Variants in EYS observed in about 807,000 individuals in gnomAD.
EYS encodes protein eyes shut homolog.
Under a neutral mutation model 282.1 loss-of-function variants are expected in EYS, and 250 were observed. The ratio of observed to expected loss-of-function variants is 0.89; its 90% CI spans 0.80 to 0.98. The LOEUF (loss-of-function observed/expected upper bound fraction) is 0.98, where lower values mean the gene tolerates loss of function less well. Ranked by LOEUF, EYS falls within the 50% of genes least tolerant of loss-of-function variation. The pLI is 0.00. For synonymous variants in EYS, 1,355 were observed against 1,282.9 expected (o/e 1.06, Z -1.20); for missense variants, 4,016 against 3,709.0 (o/e 1.08, Z -2.15).
At chr6:65,220,252 A>G (rs1396576416) in intron 12 of EYS, among the ~76,000 whole-genome samples, 1 of 151,716 alleles carries the variant, frequency 6.6e-6, no homozygotes. Flanking sequence ...GAAATATTGG[A>G]AAAAAAAATT....
At chr6:64,375,567 T>C (rs1772535692) in intron 29 of EYS, among the ~76,000 whole-genome samples, 1 of 152,174 alleles carries the variant, frequency 6.6e-6, no homozygotes, top group African/African-American at 2.4e-5. Flanking sequence ...GGGTAGGAGA[T>C]ATGGCAGATA....
chr6:64,658,318 A>AAT (rs1768839892), intron 22 of EYS, among the ~76,000 whole-genome samples: 1 of 151,558 alleles, frequency 6.6e-6, no homozygotes, highest in African/African-American at 2.4e-5. Context: ...TTTAGCTCGG[A>AAT]AGTTTGATCG....
intron 29 of EYS, among the ~76,000 whole-genome samples, chr6:64,325,675 G>A (rs529986278): frequency 1.6e-4 from 25 of 152,240 alleles, no homozygotes; most frequent in Non-Finnish European, 3.4e-4. Context: ...AACAATACAA[G>A]AAGTGAAGGG....
chr6:64,931,986 C>T (rs1020862817), intron 15 of EYS, among the ~76,000 whole-genome samples: 1 of 152,104 alleles, frequency 6.6e-6, no homozygotes, highest in African/African-American at 2.4e-5. Flanking sequence ...GTCAAACATA[C>T]ACTCTTCCAT....
At chr6:64,386,740 T>A (rs542756677) in intron 29 of EYS, among the ~76,000 whole-genome samples, 1 of 152,200 alleles carries the variant, frequency 6.6e-6, no homozygotes, top group South Asian at 2.1e-4. Flanking sequence ...TCTATATATT[T>A]TTTGCCAATA....
At chr6:64,951,333 G>C (rs1769501509) in intron 14 of EYS, among the ~76,000 whole-genome samples, 1 of 151,778 alleles carries the variant, frequency 6.6e-6, no homozygotes, top group Non-Finnish European at 1.5e-5. Context: ...AACAAAAACA[G>C]CTTTAACGGC....
intron 37 of EYS, among the ~76,000 whole-genome samples, chr6:63,800,431 T>C (rs1413287632): frequency 6.6e-6 from 1 of 152,232 alleles, no homozygotes; most frequent in Non-Finnish European, 1.5e-5. Context: ...GGTTCTGGTT[T>C]GCAAGATATC....
chr6:63,875,950 G>T (rs889844223), intron 35 of EYS, among the ~76,000 whole-genome samples: 4 of 152,122 alleles, frequency 2.6e-5, no homozygotes, highest in African/African-American at 7.2e-5. Context: ...TTTTTGAGGA[G>T]TTTTTTGTGT....
chr6:64,335,369 C>T (rs1181732456), intron 29 of EYS, among the ~76,000 whole-genome samples: 1 of 151,618 alleles, frequency 6.6e-6, no homozygotes, highest in Non-Finnish European at 1.5e-5. Context: ...TATTACAGGC[C>T]CAGCGAGTTT....
chr6:64,268,450 T>A (rs1562279889), intron 30 of EYS, among the ~76,000 whole-genome samples: 1 of 152,080 alleles, frequency 6.6e-6, no homozygotes, highest in African/African-American at 2.4e-5. Flanking sequence ...GATTTACATA[T>A]ATGATTTACA....
chr6:63,961,353 C>G (rs753222146), intron 35 of EYS, among the ~76,000 whole-genome samples: 6 of 152,000 alleles, frequency 3.9e-5, no homozygotes, highest in African/African-American at 1.5e-4. Flanking sequence ...TTTCTGCCCC[C>G]CTTTAACTGA....
chr6:64,242,411 TCTTCC>T (rs1323743132), intron 30 of EYS, among the ~76,000 whole-genome samples: 4 of 150,664 alleles, frequency 2.7e-5, no homozygotes, highest in Non-Finnish European at 5.9e-5. Flanking sequence ...GATTTTTCTT[TCTTCC>T]CTCCACACCT....
At position 65,251,110 on chromosome 6, in the gene EYS, G is replaced by C. The variant is rs191231715; in HGVS notation, c.2023+44753C>G. On this transcript the variant is annotated intron_variant, in intron 12 of 42. Coordinates refer to ENST00000503581, the MANE Select transcript of EYS (RefSeq NM_001142800.2). ...AAACAAGCAAAAATTTGTATGAATA[G>C]ACAAATGTACACTTTTATAGCATTG... 3.4e-5 allele frequency among the ~76,000 whole-genome samples: 5 copies of C among 148,520 alleles called. No homozygotes were observed. In the East Asian group the frequency reaches 9.9e-4, roughly 29 times the overall value.
rs1315345351 is a variant in EYS, at chr6:65,004,887, A to G, written c.2138-7184T>C. ...AACAAAGTACCAGCAGGTAGCAATG[A>G]TAAGTGACAGCATTTTTAAAAATTA... On this transcript the variant is annotated intron_variant, in intron 13 of 42. Transcript: ENST00000503581. 6.8e-5 allele frequency among the ~76,000 whole-genome samples: 10 copies of G among 148,062 alleles called. 1 individual carries two copies. The highest frequency in any genetic ancestry group is 6.1e-5 in the Non-Finnish European group (4 of 66,078).
intron 5 of EYS, among the ~76,000 whole-genome samples, chr6:65,480,035 C>T (rs542012634): frequency 2.7e-4 from 41 of 151,072 alleles, no homozygotes; most frequent in Non-Finnish European, 5.3e-4. Context: ...CATGGTGGCA[C>T]GTGCCTGTAG....
chr6:65,007,930 A>C (rs545167775), intron 13 of EYS, among the ~76,000 whole-genome samples: 73 of 152,286 alleles, frequency 4.8e-4, no homozygotes, highest in African/African-American at 1.7e-3. Context: ...GCTAAATCAG[A>C]CACTAACCCC....
chr6:65,458,452 C>T (rs12201233), intron 5 of EYS, among the ~76,000 whole-genome samples: 28,372 of 151,892 alleles, frequency 0.19, 3,277 homozygotes, highest in Middle Eastern at 0.3. Context: ...CCATGAGAAT[C>T]CTAGCTGTCA....
intron 22 of EYS, among the ~76,000 whole-genome samples, chr6:64,711,582 T>C (rs1452187778): frequency 6.6e-6 from 1 of 152,178 alleles, no homozygotes; most frequent in Non-Finnish European, 1.5e-5. Flanking sequence ...ATGTAAAGAA[T>C]ATAATGAATC....
At chr6:65,425,339 T>C (rs1166452651) in intron 5 of EYS, among the ~76,000 whole-genome samples, 1 of 152,066 alleles carries the variant, frequency 6.6e-6, no homozygotes, top group Non-Finnish European at 1.5e-5. Context: ...TTTGGAAATG[T>C]GTTTTCTGGT....
Sources: gnomAD v4.1 joint callset for allele counts (sites outside exome capture counted in the v4.1 genomes callset) on GRCh38, gnomAD v4.1.1 for gene constraint, MANE v1.5 for transcripts, NCBI Gene and HGNC (gene_info 2026-07-23, HGNC 2026-07-21) for gene names.